HEATR1: variants seen among roughly 807,000 people sequenced by gnomAD.
HEATR1 encodes the protein HEAT repeat-containing protein 1.
A neutral mutation model predicts 248.2 loss-of-function variants in HEATR1; 77 were observed. That is an observed-to-expected ratio of 0.31 (90% confidence interval 0.26 to 0.37). The LOEUF (loss-of-function observed/expected upper bound fraction) is 0.37. Ranked by LOEUF, HEATR1 falls within the 10% of genes least tolerant of loss-of-function variation. The probability of loss-of-function intolerance (pLI) is 1.00; values close to 1 mark genes in which losing one functional copy is unlikely to be tolerated. For missense variants in HEATR1, 2,420 were observed against 2,504.9 expected (o/e 0.97, Z 0.72); for synonymous variants, 897 against 923.1 (o/e 0.97, Z 0.51).
Position 236,574,125 on chromosome 1 carries a change from A to G in HEATR1, c.3459+77T>C, listed in dbSNP as rs115597296. Reference sequence around the variant, plus strand: ...ACCTCTTACAAGCACTATAAAATACAGGACTCTTAAACATGGTGTCCCTTG... The same window carrying G: ...ACCTCTTACAAGCACTATAAAATACGGGACTCTTAAACATGGTGTCCCTTG... On this transcript the variant is annotated intron_variant, in intron 24 of 44. Coordinates refer to ENST00000366582, the MANE Select transcript of HEATR1 (RefSeq NM_018072.6). 1,532 of 1,303,540 alleles carry G rather than the reference A, an allele frequency of 1.2e-3. 12 individuals carry two copies. In the African/African-American group the frequency reaches 0.021, roughly 18 times the overall value. 80.7% of individuals were successfully genotyped at this position (1,303,540 alleles called of 1,614,324 possible).
At position 236,555,663 on chromosome 1, in the gene HEATR1, C is replaced by T; in HGVS notation, c.5650-8G>A. The T allele has an allele frequency of 1.2e-6, 2 of 1,613,786 alleles. No individual in the cohort carries two copies. Among genetic ancestry groups the T allele is most frequent in the South Asian group, 2.2e-5 (2 of 91,070 alleles). On this transcript the variant is annotated splice_polypyrimidine_tract_variant and splice_region_variant and intron_variant, in intron 39 of 44. Transcript: ENST00000366582. ...AACTTCCTCCAGATCGTTCTGAAAA[C>T]AGAAGAGCCCATTTATTAGAGTGCT... is the stretch of plus-strand genomic sequence containing the variant.
intron 37 of HEATR1, 68 bp from the exon 38 acceptor site, chr1:236,556,326 G>C: frequency 6.7e-7 from 1 of 1,499,768 alleles, no homozygotes; most frequent in South Asian, 1.2e-5. Flanking sequence ...CACTTACAGA[G>C]AGGCTTCATG....
Position 236,565,487 on chromosome 1 carries a change from G to A in HEATR1, c.4435+432C>T, listed in dbSNP as rs576367037. Among the ~76,000 whole-genome samples, 14 of 152,132 alleles carry A rather than the reference G, an allele frequency of 9.2e-5. No homozygotes were observed. The East Asian group carries it at 9.6e-4, about 10-fold the overall frequency. On this transcript the variant is annotated intron_variant, in intron 31 of 44. Coordinates refer to ENST00000366582, the MANE Select transcript of HEATR1 (RefSeq NM_018072.6). The stretch of plus-strand genomic sequence containing the variant: ...CCTTTCCTAAGCCAGCCTCAGTGGT[G>A]CTGCGGTTCGTGGGATTTTCTTCAA...
In HEATR1 at chr1:236,570,188, C is replaced by T. The variant is rs573414027; in HGVS notation, c.3949-1064G>A. The stretch of plus-strand genomic sequence containing the variant: ...CCTGTAGTCCTAGCTACTCGGGAGG[C>T]GGAGGCAGGAGAATGGCATGAACCC... On this transcript the variant is annotated intron_variant, in intron 28 of 44. Coordinates refer to ENST00000366582, the MANE Select transcript of HEATR1 (RefSeq NM_018072.6). 1.8e-3 allele frequency among the ~76,000 whole-genome samples: 278 copies of T among 152,198 alleles called. 1 individual carries two copies. The highest frequency in any genetic ancestry group is 3.0e-3 in the Non-Finnish European group (205 of 68,000).
At chr1:236,573,366 C>T (rs1663480491) in intron 24 of HEATR1, among the ~76,000 whole-genome samples, 1 of 152,130 alleles carries the variant, frequency 6.6e-6, no homozygotes, top group South Asian at 2.1e-4. Flanking sequence ...ATTTACTGCC[C>T]CAGAGATTCT....
At chr1:236,603,475 ATTCT>A in intron 2 of HEATR1, 99 bp from the exon 3 acceptor site, 1 of 860,366 alleles carries the variant, frequency 1.2e-6, no homozygotes, top group Non-Finnish European at 1.8e-6. Flanking sequence ...AAGTTTCTGA[ATTCT>A]TTAAGTACAT....
intron 14 of HEATR1, 33 bp downstream of exon 14, chr1:236,587,369 T>C: frequency 9.3e-7 from 1 of 1,080,622 alleles, no homozygotes; most frequent in East Asian, 2.7e-5. Context: ...ACTTCATCAA[T>C]TCAAAATAGT....
chr1:236,551,272 C>A (rs1042291346), intron 44 of HEATR1: 3 of 406,174 alleles, frequency 7.4e-6, no homozygotes, highest in South Asian at 8.0e-5. Flanking sequence ...CACACCTCCC[C>A]CCTCCAAGAG....
chr1:236,593,515 C>A (rs115878431), intron 9 of HEATR1, among the ~76,000 whole-genome samples: 1 of 143,010 alleles, frequency 7.0e-6, no homozygotes, highest in Admixed American at 7.6e-5. Context: ...AAGTGGTAGG[C>A]GCAGAATTTA....
intron 35 of HEATR1, 46 bp downstream of exon 35, chr1:236,558,949 A>G: frequency 6.6e-7 from 1 of 1,509,080 alleles, no homozygotes; most frequent in Non-Finnish European, 8.9e-7. Flanking sequence ...CAGCTCTTTG[A>G]TAAAGCAAAG....
rs112017904 is a variant in HEATR1 at position 236,596,822 on chromosome 1, T to C, written c.744+14A>G. On this transcript the variant is annotated intron_variant, in intron 6 of 44. Transcript: ENST00000366582. Reference sequence around the variant, plus strand: ...AGTACAAAATAATCTACTTAACACATCAGCAGTGCCAACCTTTTGGATATA... The same window carrying C: ...AGTACAAAATAATCTACTTAACACACCAGCAGTGCCAACCTTTTGGATATA... 1.5e-4 allele frequency: 235 copies of C among 1,601,814 alleles called. No individual in the cohort carries two copies. The highest frequency in any genetic ancestry group is 1.8e-4 in the Non-Finnish European group (214 of 1,176,108).
chr1:236,554,882 G>T (rs1261490069), intron 41 of HEATR1, 130 bp from the exon 42 acceptor site: 6 of 801,670 alleles, frequency 7.5e-6, no homozygotes, highest in African/African-American at 7.1e-5. Flanking sequence ...ATCATAATCA[G>T]GACGAAGGCA....
At chr1:236,563,697 T>C (rs528410460) in intron 32 of HEATR1, among the ~76,000 whole-genome samples, 14 of 152,368 alleles carry the variant, frequency 9.2e-5, no homozygotes, top group Admixed American at 3.3e-4. Flanking sequence ...AGTACTCTAA[T>C]GTCAAACCAT....
rs181833519 is a variant in HEATR1, at chr1:236,560,929, T to C, written c.4646+296A>G. On this transcript the variant is annotated intron_variant, in intron 33 of 44. Coordinates refer to ENST00000366582, the MANE Select transcript of HEATR1 (RefSeq NM_018072.6). ...TAATTAGGGAGACTGGAGTATGAAC[T>C]GTAGATTACATCACTGGATTGGATC... 3.7e-4 allele frequency among the ~76,000 whole-genome samples: 57 copies of C among 152,350 alleles called. 1 individual carries two copies. Among genetic ancestry groups the C allele is most frequent in the African/African-American group, 1.3e-3 (56 of 41,592 alleles).
At chr1:236,569,914 T>C (rs923174954) in intron 28 of HEATR1, among the ~76,000 whole-genome samples, 6 of 152,262 alleles carry the variant, frequency 3.9e-5, no homozygotes, top group Non-Finnish European at 5.9e-5. Flanking sequence ...ATAAACAAAA[T>C]GTGGCATACA....
chr1:236,555,118 C>T (rs568717792), intron 41 of HEATR1, among the ~76,000 whole-genome samples, 178 bp downstream of exon 41: 1 of 152,322 alleles, frequency 6.6e-6, no homozygotes, highest in East Asian at 1.9e-4. Flanking sequence ...AACATTCGCT[C>T]ATGATGCTAA....
At chr1:236,585,968 G>C in intron 15 of HEATR1, 27 bp from the exon 16 acceptor site, 1 of 1,611,806 alleles carries the variant, frequency 6.2e-7, no homozygotes, top group Non-Finnish European at 8.5e-7. Context: ...AATGCAGAGA[G>C]CTCTTATGTC....
In HEATR1 at chr1:236,550,895, G is replaced by A. The variant is rs555603957; in HGVS notation, c.*7C>T. ...TCTGAGTAGAGTATGAAACACCACAGAAAGTCTTAGAAATAGCTCTGGAGT... is the reference window on the plus strand; with the variant it reads ...TCTGAGTAGAGTATGAAACACCACAAAAAGTCTTAGAAATAGCTCTGGAGT... On this transcript the variant is annotated 3_prime_UTR_variant, in exon 45 of 45. Coordinates refer to ENST00000366582, the MANE Select transcript of HEATR1 (RefSeq NM_018072.6). 1 of 1,585,490 alleles carries A rather than the reference G, an allele frequency of 6.3e-7. No homozygotes were observed. Among genetic ancestry groups the A allele is most frequent in the Non-Finnish European group, 8.6e-7 (1 of 1,168,618 alleles).
Position 236,604,067 on chromosome 1 carries a change from C to T in HEATR1, c.29G>A (p.Arg10Gln). 6.3e-7 allele frequency: 1 copy of T among 1,579,454 alleles called. No individual in the cohort carries two copies. The highest frequency in any genetic ancestry group is 8.6e-7 in the Non-Finnish European group (1 of 1,168,888). MTSLAQQLQ[R>Q]LALPQSDASL... ...GGCATCACTTTGAGGGAGGGCGAGT[C>T]GTTGCAGCTGCTGGGCTAAGGACGT... The change falls in exon 2 of 45, where the codon CGA (arginine) becomes CAA (glutamine). Residue 10 changes from arginine (R) to glutamine (Q), a missense_variant. Physicochemically the swap from Arg to Gln is conservative, Grantham distance 43. Transcript: ENST00000366582.
Sources: gnomAD v4.1 joint callset for allele counts (sites outside exome capture counted in the v4.1 genomes callset) on GRCh38, gnomAD v4.1.1 for gene constraint, MANE v1.5 for transcripts, NCBI Gene and HGNC (gene_info 2026-07-23, HGNC 2026-07-21) for gene names.